Variants in LAMA1 observed in about 807,000 individuals in gnomAD.
LAMA1 encodes laminin subunit alpha-1.
LAMA1 carries 219 observed loss-of-function variants against 348.7 expected under a neutral mutation model. The observed-to-expected ratio is 0.63, with a 90% CI of 0.56 to 0.70. The LOEUF is 0.70. Among genes scored for constraint, LAMA1 ranks in the 30% least tolerant of loss-of-function variants. The probability of loss-of-function intolerance (pLI) is 0.00; values close to 1 mark genes in which losing one functional copy is unlikely to be tolerated. For missense variants in LAMA1, 3,744 were observed against 3,888.0 expected (o/e 0.96, Z 0.99); for synonymous variants, 1,487 against 1,491.0 (o/e 1.00, Z 0.06).
chr18:7,026,050 G>A lies in LAMA1; in HGVS notation c.2331C>T (p.Tyr777=), dbSNP rs185274541. Residue 777 remains tyrosine, a synonymous_variant, in exon 17 of 63, where the codon TAC becomes TAT. Transcript: ENST00000389658. The part of the protein sequence containing the change: ...VHCEQCLPGF[Y]GEPSRGTPGD... ...CAGGTGTCCCTCGGGAAGGCTCCCC[G>A]TAGAAGCCGGGCAAGCACTGCTCAC... is the stretch of plus-strand genomic sequence containing the variant. 1.1e-5 allele frequency: 18 copies of A among 1,610,058 alleles called. No homozygotes were observed. The highest frequency in any genetic ancestry group is 6.7e-5 in the East Asian group (3 of 44,736).
intron 16 of LAMA1, among the ~76,000 whole-genome samples, chr18:7,030,677 A>T (rs1203172714): frequency 6.6e-6 from 1 of 152,236 alleles, no homozygotes; most frequent in Non-Finnish European, 1.5e-5. Flanking sequence ...ATTATTATTT[A>T]TTAAAATTAA....
rs571007506 is a variant in LAMA1, at chr18:7,099,126, T to A, written c.61+18534A>T. ...CTTTTCATTTTGTTCTGTACTAAGA[T>A]AAATTCTTCTGCCTTGGGATCCTGT... On this transcript the variant is annotated intron_variant, in intron 1 of 62. Coordinates refer to ENST00000389658, the MANE Select transcript of LAMA1 (RefSeq NM_005559.4). 2.4e-3 allele frequency among the ~76,000 whole-genome samples: 367 copies of A among 151,674 alleles called. 1 individual carries two copies. The highest frequency in any genetic ancestry group is 4.0e-3 in the Non-Finnish European group (274 of 67,784).
chr18:6,991,554 C>T (rs549227354), intron 36 of LAMA1, among the ~76,000 whole-genome samples: 2 of 152,140 alleles, frequency 1.3e-5, no homozygotes, highest in Admixed American at 6.5e-5. Context: ...CCATGCCCAG[C>T]TAATTTTTGT....
chr18:7,040,200 T>C lies in LAMA1; in HGVS notation c.1298A>G (p.Tyr433Cys), dbSNP rs2058014332. The stretch of plus-strand genomic sequence containing the variant: ...GCAGCGATCACATTTTTCTCCTGTA[T>C]AACCTTCCTTACATGGGCACTGACC... ...QPGQCPCKEGYTGEKCDRCQL... is the reference protein window; with the variant it reads ...QPGQCPCKEGCTGEKCDRCQL... The change falls in exon 10 of 63, where the codon TAT becomes TGT. Residue 433 changes from tyrosine (Y) to cysteine (C), a missense_variant. Physicochemically the swap from Tyr to Cys is radical, Grantham distance 194. Transcript: ENST00000389658. 3.7e-6 allele frequency: 6 copies of C among 1,614,174 alleles called. No individual in the cohort carries two copies. In the East Asian group the frequency reaches 1.3e-4, roughly 36 times the overall value.
At chr18:6,990,587 T>C (rs1286010678) in intron 36 of LAMA1, among the ~76,000 whole-genome samples, 4 of 152,098 alleles carry the variant, frequency 2.6e-5, no homozygotes, top group African/African-American at 7.2e-5. Flanking sequence ...GGACTAACGT[T>C]CGCACCTTGG....
At chr18:6,979,726 C>T (rs554980945) in intron 42 of LAMA1, among the ~76,000 whole-genome samples, 40 of 152,082 alleles carry the variant, frequency 2.6e-4, no homozygotes, top group African/African-American at 5.1e-4. Flanking sequence ...GGTGAAACCC[C>T]ATCTCTACTA....
chr18:6,972,742 T>G (rs192195851), intron 47 of LAMA1, among the ~76,000 whole-genome samples: 1 of 152,194 alleles, frequency 6.6e-6, no homozygotes, highest in Non-Finnish European at 1.5e-5. Context: ...CAGGCTGGAG[T>G]GCAATGGCGC....
Position 6,966,271 on chromosome 18 carries a change from T to C in LAMA1, c.6926A>G (p.His2309Arg), listed in dbSNP as rs747956007. 3.1e-6 allele frequency: 5 copies of C among 1,613,888 alleles called. No homozygotes were observed. The highest frequency in any genetic ancestry group is 4.2e-6 in the Non-Finnish European group (5 of 1,179,940). The part of the protein sequence containing the change: ...GSSQNEDPSF[H>R]FDGSGYSVVE... ...GACAGAGTACCCACTCCCGTCAAAA[T>C]GGAAGGAAGGGTCTTCATTCTGGGA... The change falls in exon 49 of 63, where the codon CAT becomes CGT. Residue 2309 changes from histidine (H) to arginine (R), a missense_variant. His to Arg is a conservative substitution (Grantham distance 29, BLOSUM62 0). Transcript: ENST00000389658.
In LAMA1 at chr18:7,032,904, T is replaced by A; in HGVS notation, c.2163+80A>T. ...CTGCTAAAGCTAAAAATCAAATGTT[T>A]GCCATGACATCCCCTTCAGTGCACT... is the stretch of plus-strand genomic sequence containing the variant. On this transcript the variant is annotated intron_variant, in intron 15 of 62. Coordinates refer to ENST00000389658, the MANE Select transcript of LAMA1 (RefSeq NM_005559.4). 4 of 1,053,144 alleles carry A rather than the reference T, an allele frequency of 3.8e-6. No individual in the cohort carries two copies. The South Asian group carries it at 5.4e-5, about 14-fold the overall frequency. The allele number at this position is 1,053,144 out of a possible 1,614,324, so 65.2% of individuals were successfully genotyped here.
At chr18:7,002,472 T>G (rs1245255322) in intron 29 of LAMA1, 87 bp from the exon 30 acceptor site, 1 of 1,344,296 alleles carries the variant, frequency 7.4e-7, no homozygotes, top group Non-Finnish European at 1.1e-6. Flanking sequence ...CACTGCCACG[T>G]TTTATATCAG....
intron 42 of LAMA1, among the ~76,000 whole-genome samples, chr18:6,978,617 T>G (rs2057694406): frequency 6.6e-6 from 1 of 152,212 alleles, no homozygotes; most frequent in Non-Finnish European, 1.5e-5. Flanking sequence ...CTATCCCCTT[T>G]TAGGGACAAA....
intron 1 of LAMA1, among the ~76,000 whole-genome samples, chr18:7,085,604 G>T (rs939616735): frequency 1.3e-5 from 2 of 151,734 alleles, no homozygotes; most frequent in Admixed American, 6.6e-5. Context: ...ATTTTTAGTA[G>T]AGATGGGGTT....
intron 17 of LAMA1, 45 bp downstream of exon 17, chr18:7,025,934 T>C: frequency 6.3e-7 from 1 of 1,581,490 alleles, no homozygotes; most frequent in Non-Finnish European, 8.6e-7. Flanking sequence ...TGGGTGGGAA[T>C]CCTGGCCATG....
intron 1 of LAMA1, among the ~76,000 whole-genome samples, chr18:7,087,131 C>T (rs1349245726): frequency 6.6e-6 from 1 of 152,106 alleles, no homozygotes; most frequent in African/African-American, 2.4e-5. Context: ...TATAAAATGT[C>T]CTGTAATGAC....
At chr18:6,975,818 A>C in intron 45 of LAMA1, 119 bp downstream of exon 45, 1 of 1,177,572 alleles carries the variant, frequency 8.5e-7, no homozygotes, top group Non-Finnish European at 1.3e-6. Context: ...GTTAGTCCCT[A>C]TGGGAGATTT....
At chr18:7,097,965 T>C (rs1306872603) in intron 1 of LAMA1, among the ~76,000 whole-genome samples, 1 of 150,712 alleles carries the variant, frequency 6.6e-6, no homozygotes, top group Admixed American at 6.6e-5. Context: ...CCCTGCCTGA[T>C]TCTCCTGACT....
Position 6,985,269 on chromosome 18 carries a change from A to G in LAMA1, c.5628T>C (p.Ala1876=). 3 of 1,614,192 alleles carry G rather than the reference A, an allele frequency of 1.9e-6. No homozygotes were observed. The highest frequency in any genetic ancestry group is 2.5e-6 in the Non-Finnish European group (3 of 1,180,028). The change falls in exon 39 of 63, where the codon GCT becomes GCC. Residue 1876 remains alanine, a synonymous_variant. Transcript: ENST00000389658. ...GAACATCTGCTAGTCTCTGGAACTC[A>G]GCGGCATGGTCCTCAGCTCTGTAGA... ...DLVYRAEDHA[A]EFQRLADVLY...
intron 1 of LAMA1, among the ~76,000 whole-genome samples, chr18:7,090,403 T>C (rs1466419): frequency 1.1e-4 from 16 of 152,142 alleles, no homozygotes; most frequent in Admixed American, 1.0e-3. Context: ...CACCTGGGAG[T>C]ATTTTTTTTT....
At chr18:7,051,404 A>C (rs2058062001) in intron 3 of LAMA1, among the ~76,000 whole-genome samples, 1 of 152,218 alleles carries the variant, frequency 6.6e-6, no homozygotes, top group South Asian at 2.1e-4. Flanking sequence ...ACAAAAGTGC[A>C]CCTTGAGAGA....
Sources: gnomAD v4.1 joint callset for allele counts (sites outside exome capture counted in the v4.1 genomes callset) on GRCh38, gnomAD v4.1.1 for gene constraint, MANE v1.5 for transcripts, NCBI Gene and HGNC (gene_info 2026-07-23, HGNC 2026-07-21) for gene names.